Variants in ATXN8OS observed in about 807,000 individuals in gnomAD.
ATXN8OS encodes ATXN8 opposite strand lncRNA.
At chr13:70,114,837 TATTA>T (rs993752850) in intron 1 of ATXN8OS, among the ~76,000 whole-genome samples, 23 of 152,274 alleles carry the variant, frequency 1.5e-4, no homozygotes, top group African/African-American at 5.1e-4. Flanking sequence ...TATTTTCTTA[TATTA>T]ATTGTTTTAG....
At chr13:70,163,198 A>G (rs1369084252) in intron 4 of ATXN8OS, among the ~76,000 whole-genome samples, 1 of 152,110 alleles carries the variant, frequency 6.6e-6, no homozygotes, top group South Asian at 2.1e-4. Flanking sequence ...AGCTCATTTA[A>G]TAATCCAACT....
chr13:70,139,866 GCT>G lies in ATXN8OS; in HGVS notation n.500-7486_500-7485del, dbSNP rs148696111. On this transcript the variant is annotated intron_variant and non_coding_transcript_variant, in intron 3 of 4. Transcript: ENST00000678624. Reference sequence around the variant, plus strand: ...CTTGTAAGCAAGGAATGAATTCCTAGCTCTGTTTTTTAATCACGATTTTTGAA... The same window carrying G: ...CTTGTAAGCAAGGAATGAATTCCTAGCTGTTTTTTAATCACGATTTTTGAA... 9.2e-3 allele frequency among the ~76,000 whole-genome samples: 1,403 copies of G among 152,174 alleles called. 13 individuals are homozygous for G. Among genetic ancestry groups the G allele is most frequent in the African/African-American group, 0.028 (1,182 of 41,530 alleles).
At chr13:70,111,634 A>C (rs1295237703) in intron 1 of ATXN8OS, among the ~76,000 whole-genome samples, 1 of 152,160 alleles carries the variant, frequency 6.6e-6, no homozygotes, top group East Asian at 1.9e-4. Context: ...TTTGGAGGGG[A>C]CAAAAATTCA....
chr13:70,166,603 G>A (rs12428153), intron 4 of ATXN8OS, among the ~76,000 whole-genome samples: 17,514 of 152,018 alleles, frequency 0.12, 1,615 homozygotes, highest in East Asian at 0.41. Context: ...ACATAGGCAT[G>A]GGCAAGGACT....
chr13:70,120,859 G>A lies in ATXN8OS; in HGVS notation n.398+5561G>A, dbSNP rs187714375. ...CATCACATGTTCTCACTCATAGGTG[G>A]GAACTGAACAATGAGAACACATGGA... is the stretch of plus-strand genomic sequence containing the variant. On this transcript the variant is annotated intron_variant and non_coding_transcript_variant, in intron 2 of 4. Coordinates refer to ENST00000678624, the Ensembl canonical transcript of ATXN8OS. 2.5e-3 allele frequency among the ~76,000 whole-genome samples: 377 copies of A among 150,618 alleles called. 2 individuals are homozygous for A. Among genetic ancestry groups the A allele is most frequent in the African/African-American group, 8.9e-3 (362 of 40,842 alleles).
intron 4 of ATXN8OS, among the ~76,000 whole-genome samples, chr13:70,167,242 A>C (rs1386897080): frequency 6.6e-6 from 1 of 152,160 alleles, no homozygotes; most frequent in African/African-American, 2.4e-5. Context: ...CACTATTCAC[A>C]ATAGCAAAGA....
chr13:70,117,180 C>G (rs1172421949), intron 2 of ATXN8OS, among the ~76,000 whole-genome samples: 1 of 151,954 alleles, frequency 6.6e-6, no homozygotes, highest in African/African-American at 2.4e-5. Flanking sequence ...GCTAAGACAG[C>G]AGATTTGGAT....
intron 3 of ATXN8OS, among the ~76,000 whole-genome samples, chr13:70,143,511 T>TA (rs1888743974): frequency 6.6e-6 from 1 of 152,188 alleles, no homozygotes; most frequent in Non-Finnish European, 1.5e-5. Context: ...CTTACTATGA[T>TA]ATATATACTT....
At chr13:70,116,713 T>C (rs568873162) in intron 2 of ATXN8OS, among the ~76,000 whole-genome samples, 2 of 152,096 alleles carry the variant, frequency 1.3e-5, no homozygotes, top group African/African-American at 2.4e-5. Flanking sequence ...CTCTGGCAGA[T>C]GTGATAGGAA....
At chr13:70,169,841 T>C (rs1282818842) in exon 5 of ATXN8OS, among the ~76,000 whole-genome samples, 3 of 152,090 alleles carry the variant, frequency 2.0e-5, no homozygotes, top group Non-Finnish European at 4.4e-5. Context: ...TCCTGGTCCT[T>C]GCCTCTATTT....
chr13:70,148,826 T>C (rs1445024988), intron 4 of ATXN8OS, among the ~76,000 whole-genome samples: 1 of 152,092 alleles, frequency 6.6e-6, no homozygotes, highest in East Asian at 1.9e-4. Context: ...AGGGCCAATA[T>C]AATATTTTAT....
chr13:70,129,716 G>A (rs1888501904), intron 2 of ATXN8OS: 1 of 397,862 alleles, frequency 2.5e-6, no homozygotes, highest in East Asian at 3.6e-5. Flanking sequence ...GTACAGACTA[G>A]CAAAATATTA....
chr13:70,141,693 A>C (rs1222438511), intron 3 of ATXN8OS, among the ~76,000 whole-genome samples: 1 of 152,010 alleles, frequency 6.6e-6, no homozygotes, highest in African/African-American at 2.4e-5. Context: ...TCAAACTCCA[A>C]AAAAGCCAGG....
chr13:70,149,837 G>T (rs1888839881), intron 4 of ATXN8OS, among the ~76,000 whole-genome samples: 1 of 152,040 alleles, frequency 6.6e-6, no homozygotes, highest in South Asian at 2.1e-4. Flanking sequence ...AGGGTTGAAG[G>T]ATACATCAAA....
chr13:70,143,183 A>C (rs1888739994), intron 3 of ATXN8OS, among the ~76,000 whole-genome samples: 1 of 152,140 alleles, frequency 6.6e-6, no homozygotes, highest in Admixed American at 6.5e-5. Flanking sequence ...AATTAAAACA[A>C]GTTTGCATTT....
chr13:70,139,696 T>G (rs1365601515), intron 3 of ATXN8OS, among the ~76,000 whole-genome samples: 1 of 152,128 alleles, frequency 6.6e-6, no homozygotes, highest in Non-Finnish European at 1.5e-5. Flanking sequence ...TCACAGAGTT[T>G]GAGTGTAGGA....
At chr13:70,128,038 A>G (rs1187044597) in intron 2 of ATXN8OS, among the ~76,000 whole-genome samples, 1 of 151,936 alleles carries the variant, frequency 6.6e-6, no homozygotes, top group African/African-American at 2.4e-5. Context: ...AATTATATAT[A>G]ATTCATATAA....
intron 1 of ATXN8OS, chr13:70,114,999 T>C: frequency 2.6e-6 from 1 of 392,000 alleles, no homozygotes; most frequent in East Asian, 3.6e-5. Context: ...AGACTCCTGG[T>C]ATTCTCAAAA....
intron 4 of ATXN8OS, among the ~76,000 whole-genome samples, chr13:70,164,245 G>T (rs1289873548): frequency 1.3e-5 from 2 of 150,892 alleles, no homozygotes; most frequent in Non-Finnish European, 3.0e-5. Context: ...TTTTTTGAAA[G>T]ATATTAAAAA....
Sources: gnomAD v4.1 joint callset for allele counts (sites outside exome capture counted in the v4.1 genomes callset) on GRCh38, gnomAD v4.1.1 for gene constraint, MANE v1.5 for transcripts, NCBI Gene and HGNC (gene_info 2026-07-23, HGNC 2026-07-21) for gene names.